The following FLT4 variants were observed in gnomAD, a reference collection of about 807,000 sequenced individuals.
The protein encoded by FLT4 is vascular endothelial growth factor receptor 3.
Under a neutral mutation model 163.2 loss-of-function variants are expected in FLT4, and 30 were observed. That is an observed-to-expected ratio of 0.18 (90% CI 0.14 to 0.25). The LOEUF (loss-of-function observed/expected upper bound fraction) is 0.25. Among genes scored for constraint, FLT4 ranks in the 10% least tolerant of loss-of-function variants. The pLI is 1.00. For synonymous variants in FLT4, 884 were observed against 789.5 expected (o/e 1.12, Z -2.01); for missense variants, 1,510 against 1,863.8 (o/e 0.81, Z 3.50).
chr5:180,612,513 C>T lies in FLT4; in HGVS notation c.3530G>A (p.Gly1177Asp), dbSNP rs199900560. The T allele has an allele frequency of 1.6e-5, 26 of 1,612,312 alleles. No homozygotes were observed. The highest frequency in any genetic ancestry group is 2.2e-5 in the South Asian group (2 of 91,062). ...EILGDLLQGR[G>D]LQEEEEVCMA... ...GGTGGGGAAGGGGCTCACTTGCAGG[C>T]CCCTGCCCTGGAGCAGGTCCCCCAG... Residue 1177 changes from glycine (G) to aspartate (D), a missense_variant, in exon 26 of 30, where the codon GGC becomes GAC. Transcript: ENST00000261937.
At chr5:180,646,643 G>A (rs1052473626) in intron 1 of FLT4, among the ~76,000 whole-genome samples, 2 of 152,110 alleles carry the variant, frequency 1.3e-5, no homozygotes, top group Non-Finnish European at 2.9e-5. Context: ...GGCAATACAC[G>A]TCTGATGGCA....
intron 26 of FLT4, among the ~76,000 whole-genome samples, chr5:180,612,137 T>C (rs1287608270): frequency 2.0e-5 from 3 of 152,010 alleles, no homozygotes; most frequent in Non-Finnish European, 4.4e-5. Flanking sequence ...AGGTCAAGGG[T>C]CCGTGTGTTC....
At chr5:180,631,391 T>G (rs1345106785) in intron 2 of FLT4, among the ~76,000 whole-genome samples, 5 of 151,846 alleles carry the variant, frequency 3.3e-5, no homozygotes, top group Admixed American at 6.6e-5. Flanking sequence ...GAGAATGGCG[T>G]GAACCCGGGA....
intron 1 of FLT4, among the ~76,000 whole-genome samples, chr5:180,641,392 G>C (rs1179598441): frequency 1.3e-5 from 2 of 152,354 alleles, no homozygotes; most frequent in African/African-American, 4.8e-5. Flanking sequence ...GCCACCCTGG[G>C]CCTGGCCCTA....
Position 180,621,226 on chromosome 5 carries a change from T to C in FLT4, c.2047A>G (p.Asn683Asp). The C allele has an allele frequency of 1.9e-6, 3 of 1,612,528 alleles. No individual in the cohort carries two copies. Among genetic ancestry groups the C allele is most frequent in the Non-Finnish European group, 2.5e-6 (3 of 1,179,862 alleles). Reference sequence around the variant, plus strand: ...ACGTTCACCAGGAGGTCGGTCAAGTTCTGCGTGAGCCGAGGGGCTTCCAGG... The same window carrying C: ...ACGTTCACCAGGAGGTCGGTCAAGTCCTGCGTGAGCCGAGGGGCTTCCAGG... ...QALEAPRLTQ[N>D]LTDLLVNVSD... Residue 683 changes from asparagine to aspartate, a missense_variant, in exon 14 of 30, where the codon AAC becomes GAC. By Grantham distance (23) the Asn-to-Asp change is conservative. Transcript: ENST00000261937.
At position 180,602,504 on chromosome 5, in the gene FLT4, GT is replaced by G. The variant is rs1291061122; in HGVS notation, c.*687del. 5.0e-6 allele frequency: 2 copies of G among 398,742 alleles called. No homozygotes were observed. Among genetic ancestry groups the G allele is most frequent in the Non-Finnish European group, 8.8e-6 (2 of 226,638 alleles). 24.7% of individuals were successfully genotyped at this position (398,742 alleles called of 1,614,324 possible). ...CAGCTCTAACAGTCTGTGAAGTTCT[GT>G]TGAAAAAGACTTGCAGGATGGCTCT... On this transcript the variant is annotated 3_prime_UTR_variant, in exon 30 of 30. Transcript: ENST00000261937.
At chr5:180,616,531 C>T (rs905457332) in intron 22 of FLT4, 42 bp from the exon 23 acceptor site, 9 of 1,611,128 alleles carry the variant, frequency 5.6e-6, no homozygotes, top group Non-Finnish European at 7.6e-6. Context: ...CAGTGCAGGC[C>T]CCTGGGGTAA....
chr5:180,643,675 G>A (rs556343962), intron 1 of FLT4, among the ~76,000 whole-genome samples: 21 of 152,092 alleles, frequency 1.4e-4, no homozygotes, highest in Admixed American at 7.2e-4. Flanking sequence ...AGACCTCCAC[G>A]TGCCCTAGAT....
rs1764717341 is a variant in FLT4, at chr5:180,636,707, C to T, written c.59-4929G>A. Among the ~76,000 whole-genome samples the T allele has an allele frequency of 6.6e-6, 1 of 152,108 alleles. No individual in the cohort carries two copies. Among genetic ancestry groups the T allele is most frequent in the Non-Finnish European group, 1.5e-5 (1 of 68,014 alleles). On this transcript the variant is annotated intron_variant, in intron 1 of 29. Transcript: ENST00000261937. This position sits in a 1 kb window ranked among gnomAD's most constrained non-coding sequence, Gnocchi z 4.3. ...GGGCGCATCCTGGACCTGGTCATCACCAGAGACCGCGCCATCCCGGAACAC... is the reference window on the plus strand; with the variant it reads ...GGGCGCATCCTGGACCTGGTCATCATCAGAGACCGCGCCATCCCGGAACAC...
intron 1 of FLT4, among the ~76,000 whole-genome samples, chr5:180,639,873 C>A (rs548401875): frequency 6.6e-6 from 1 of 152,338 alleles, no homozygotes; most frequent in South Asian, 2.1e-4. Context: ...TGCGCTCCCC[C>A]TGCCTTCCTG....
intron 1 of FLT4, among the ~76,000 whole-genome samples, chr5:180,645,137 G>A (rs959785563): frequency 6.6e-6 from 1 of 152,236 alleles, no homozygotes; most frequent in Non-Finnish European, 1.5e-5. Context: ...GTGAGTTGGG[G>A]GGGGCCCTGA....
chr5:180,629,317 C>A lies in FLT4; in HGVS notation c.927G>T (p.Val309=). ...GCTGGATGCCGTTGTTGGCCTTGCA[C>A]ACATACGAGCCCAGGTCGTGCTGGC... is the stretch of plus-strand genomic sequence containing the variant. ...NVSQHDLGSY[V]CKANNGIQRF... is the part of the protein sequence containing the mutation. The change falls in exon 7 of 30, where the codon GTG becomes GTT. Residue 309 remains valine (V), a synonymous_variant. Transcript: ENST00000261937. 6.2e-7 allele frequency: 1 copy of A among 1,613,348 alleles called. No individual in the cohort carries two copies. Among genetic ancestry groups the A allele is most frequent in the Non-Finnish European group, 8.5e-7 (1 of 1,180,020 alleles).
intron 28 of FLT4, chr5:180,609,490 G>T (rs753965211): frequency 4.5e-5 from 16 of 355,506 alleles, no homozygotes; most frequent in Non-Finnish European, 8.0e-5. Context: ...ACACGGGAGG[G>T]AAACTGCGAT....
intron 1 of FLT4, among the ~76,000 whole-genome samples, chr5:180,643,014 A>G (rs1231484168): frequency 6.6e-6 from 1 of 152,264 alleles, no homozygotes; most frequent in Non-Finnish European, 1.5e-5. Flanking sequence ...AGGTTAACGC[A>G]TTCCAAAACA....
Position 180,649,419 on chromosome 5 carries a change from C to T in FLT4, c.58+69G>A, listed in dbSNP as rs570156124. ...CCGGCGGAGCGGTCTCAGCGCCCGCCCCAGGTGCGCGGTACCCCCTCCCCG... is the reference window on the plus strand; with the variant it reads ...CCGGCGGAGCGGTCTCAGCGCCCGCTCCAGGTGCGCGGTACCCCCTCCCCG... On this transcript the variant is annotated intron_variant, in intron 1 of 29. Transcript: ENST00000261937. The T allele has an allele frequency of 8.3e-4, 1,022 of 1,225,560 alleles. 7 individuals are homozygous for T. In the African/African-American group the frequency reaches 0.015, roughly 18 times the overall value. The allele number at this position is 1,225,560 out of a possible 1,614,324, so 75.9% of individuals were successfully genotyped here.
At chr5:180,627,521 G>A (rs184681729) in intron 8 of FLT4, among the ~76,000 whole-genome samples, 3 of 151,792 alleles carry the variant, frequency 2.0e-5, no homozygotes, top group Non-Finnish European at 2.9e-5. Flanking sequence ...CGGGTGCTTC[G>A]GAAGCCAAGG....
intron 1 of FLT4, among the ~76,000 whole-genome samples, chr5:180,632,989 C>A (rs1375702571): frequency 2.0e-5 from 3 of 152,008 alleles, no homozygotes; most frequent in Non-Finnish European, 4.4e-5. Context: ...ACTCTTCTGC[C>A]CCCAGGCCCC....
chr5:180,606,729 AC>A (rs1473381719), intron 29 of FLT4, among the ~76,000 whole-genome samples: 4 of 152,226 alleles, frequency 2.6e-5, no homozygotes, highest in Non-Finnish European at 5.9e-5. Flanking sequence ...CGTAAATGTG[AC>A]CACCATTGAT....
At chr5:180,634,550 A>G (rs938588767) in intron 1 of FLT4, among the ~76,000 whole-genome samples, 1 of 151,418 alleles carries the variant, frequency 6.6e-6, no homozygotes, top group Admixed American at 6.6e-5. Context: ...AAAATACAAA[A>G]AATTAGCTGG....
Sources: allele counts gnomAD v4.1 joint callset (sites outside exome capture counted in the v4.1 genomes callset), GRCh38; gene constraint gnomAD v4.1.1; non-coding constraint Gnocchi (gnomAD v3.1); transcripts MANE v1.5; gene names NCBI Gene and HGNC (gene_info 2026-07-23, HGNC 2026-07-21).